Variants in MIOS observed in about 807,000 individuals in gnomAD.
MIOS encodes the protein meiosis regulator for oocyte development, also known as GATOR2 complex protein MIOS.
MIOS carries 52 observed loss-of-function variants against 96.9 expected under a neutral mutation model. The ratio of observed to expected loss-of-function variants is 0.54; its 90% CI spans 0.43 to 0.68. The LOEUF (loss-of-function observed/expected upper bound fraction) is 0.68. MIOS is among the 30% of genes least tolerant of loss of function. The pLI is 0.00. For missense variants in MIOS, 1,005 were observed against 1,052.8 expected, an observed-to-expected ratio of 0.95 and a Z score of 0.63; for synonymous variants, 397 against 359.5, an observed-to-expected ratio of 1.10 and a Z score of -1.18.
chr7:7,579,099 C>T (rs1544466), intron 5 of MIOS, among the ~76,000 whole-genome samples: 2 of 151,576 alleles, frequency 1.3e-5, no homozygotes, highest in Non-Finnish European at 2.9e-5. Context: ...AGGACAGTCT[C>T]AAATTTAGGA....
At chr7:7,591,297 G>GT (rs71010984) in intron 9 of MIOS, among the ~76,000 whole-genome samples, 77,687 of 135,964 alleles carry the variant, frequency 0.57, 24,109 homozygotes, top group Admixed American at 0.71. Context: ...TTTTTGTTGG[G>GT]TTTTTTTTTT....
chr7:7,586,982 CTTT>C (rs1783905223), intron 7 of MIOS, among the ~76,000 whole-genome samples: 3 of 91,220 alleles, frequency 3.3e-5, no homozygotes, highest in African/African-American at 1.3e-4. Context: ...AAGTACTTTT[CTTT>C]CCCTTTTTTT....
intron 3 of MIOS, among the ~76,000 whole-genome samples, chr7:7,571,729 C>A (rs969693985): frequency 1.3e-5 from 2 of 152,156 alleles, no homozygotes; most frequent in Non-Finnish European, 2.9e-5. Context: ...AACTAATATA[C>A]GGCAGAGCTA....
intron 9 of MIOS, among the ~76,000 whole-genome samples, chr7:7,592,223 A>G (rs1784070100): frequency 6.6e-6 from 1 of 152,162 alleles, no homozygotes; most frequent in African/African-American, 2.4e-5. Flanking sequence ...GCCTGTCCTC[A>G]AGTGATCTGC....
At chr7:7,597,399 C>G (rs1322331185) in intron 11 of MIOS, among the ~76,000 whole-genome samples, 2 of 138,680 alleles carry the variant, frequency 1.4e-5, no homozygotes, top group African/African-American at 5.3e-5. Flanking sequence ...AAGTATTAGC[C>G]TAGAAGTCAG....
At chr7:7,576,127 G>GTA (rs940808631) in intron 5 of MIOS, among the ~76,000 whole-genome samples, 3 of 152,108 alleles carry the variant, frequency 2.0e-5, no homozygotes, top group Non-Finnish European at 4.4e-5. Context: ...GTAACAAATA[G>GTA]TATATATATA....
chr7:7,602,959 A>C (rs529830857), intron 11 of MIOS, among the ~76,000 whole-genome samples: 1,878 of 152,192 alleles, frequency 0.012, 28 homozygotes, highest in South Asian at 0.05. Context: ...GAGAAAAACA[A>C]GCAATGGGGA....
chr7:7,593,907 G>GAAAA (rs1291964281), intron 9 of MIOS, among the ~76,000 whole-genome samples: 2 of 124,122 alleles, frequency 1.6e-5, no homozygotes, highest in African/African-American at 3.5e-5. Context: ...AAAAAGAAAA[G>GAAAA]AAAAAAAGAA....
At chr7:7,593,897 A>AAAAAAAAAAAAAAAG (rs1563036584) in intron 9 of MIOS, among the ~76,000 whole-genome samples, 2 of 92,924 alleles carry the variant, frequency 2.2e-5, no homozygotes, top group African/African-American at 9.0e-5. Context: ...AAAAAAAAAG[A>AAAAAAAAAAAAAAAG]AAAAGAAAAG....
At position 7,588,484 on chromosome 7, in the gene MIOS, T is replaced by C. The variant is rs776219904; in HGVS notation, c.1819-14T>C. ...CGCCTAGAAGTAACTCCTTGCTTTT[T>C]CTCTTCTTTCCAGTATGAAAACAAA... On this transcript the variant is annotated splice_polypyrimidine_tract_variant and intron_variant, in intron 7 of 12. Coordinates refer to ENST00000340080, the MANE Select transcript of MIOS (RefSeq NM_019005.4). The C allele has an allele frequency of 6.4e-7, 1 of 1,553,826 alleles. No homozygotes were observed. The highest frequency in any genetic ancestry group is 1.3e-5 in the South Asian group (1 of 77,038).
chr7:7,605,317 C>T (rs1583663485), intron 11 of MIOS: 1 of 143,572 alleles, frequency 7.0e-6, no homozygotes, highest in African/African-American at 2.6e-5. Context: ...TTTTTTGAGA[C>T]AAAGTCTTGC....
At chr7:7,568,265 G>T (rs111480811) in intron 3 of MIOS, 142 bp downstream of exon 3, 6 of 152,358 alleles carry the variant, frequency 3.9e-5, no homozygotes, top group African/African-American at 1.2e-4. Context: ...TCTGTGTGAT[G>T]TGAAGAGCTC....
In MIOS at chr7:7,607,052, C is replaced by A; in HGVS notation, c.2588C>A (p.Thr863Lys). 6.2e-7 allele frequency: 1 copy of A among 1,613,084 alleles called. No homozygotes were observed. Among genetic ancestry groups the A allele is most frequent in the African/African-American group, 1.3e-5 (1 of 74,936 alleles). ...ACTCKCMQLD[T>K]TGNLVPAETV... is the part of the protein sequence containing the mutation. ...ACGTGTAAATGTATGCAGTTGGATA[C>A]AACAGGGAATCTGGTACCTGCAGAG... is the stretch of plus-strand genomic sequence containing the variant. Residue 863 changes from threonine (T) to lysine (K), a missense_variant, in exon 13 of 13, where the codon ACA (threonine) becomes AAA (lysine). By Grantham distance (78) the Thr-to-Lys change is moderately conservative. Around this residue, in one of 3 missense-constraint regions of MIOS, gnomAD observed 865 missense variants for 887.9 expected, o/e 0.97. Coordinates refer to ENST00000340080, the MANE Select transcript of MIOS (RefSeq NM_019005.4).
At chr7:7,591,836 A>G (rs758483483) in intron 9 of MIOS, among the ~76,000 whole-genome samples, 3 of 151,976 alleles carry the variant, frequency 2.0e-5, no homozygotes, top group Non-Finnish European at 4.4e-5. Flanking sequence ...ATTTCTTTAA[A>G]TATTTTTTTC....
chr7:7,570,476 T>TG (rs1452848498), intron 3 of MIOS, among the ~76,000 whole-genome samples: 3 of 150,832 alleles, frequency 2.0e-5, no homozygotes, highest in Non-Finnish European at 4.4e-5. Context: ...GGATGAGGGG[T>TG]GGGGGTGTGG....
chr7:7,573,047 G>C lies in MIOS; in HGVS notation c.572G>C (p.Cys191Ser). ...CAGAATGATGCTTGTCTGTCTCTTT[G>C]TTGGCTTCCACGAGACCAGAAACTT... is the stretch of plus-strand genomic sequence containing the variant. ...LGQNDACLSLCWLPRDQKLLL... is the reference protein window; with the variant it reads ...LGQNDACLSLSWLPRDQKLLL... Residue 191 changes from cysteine (C) to serine (S), a missense_variant, in exon 4 of 13, where the codon TGT (cysteine) becomes TCT (serine). By Grantham distance (112) the Cys-to-Ser change is moderately radical. This residue lies in a region of MIOS where 865 missense variants were observed against 887.9 expected (regional missense o/e 0.97). Coordinates refer to ENST00000340080, the MANE Select transcript of MIOS (RefSeq NM_019005.4). The surrounding 1 kb of genome is among the most constrained non-coding windows in gnomAD (Gnocchi z 5.0). The C allele has an allele frequency of 1.2e-6, 2 of 1,613,988 alleles. No homozygotes were observed. The highest frequency in any genetic ancestry group is 2.2e-5 in the East Asian group (1 of 44,882).
intron 5 of MIOS, among the ~76,000 whole-genome samples, chr7:7,576,129 A>G (rs894557304): frequency 2.0e-5 from 3 of 152,296 alleles, no homozygotes; most frequent in Admixed American, 6.5e-5. Flanking sequence ...AACAAATAGT[A>G]TATATATAAG....
At chr7:7,592,482 C>T (rs1338738840) in intron 9 of MIOS, among the ~76,000 whole-genome samples, 3 of 152,174 alleles carry the variant, frequency 2.0e-5, no homozygotes, top group Admixed American at 2.0e-4. Context: ...ATGATTCCAG[C>T]ACATTGTATT....
chr7:7,585,427 T>C, intron 6 of MIOS, among the ~76,000 whole-genome samples: 1 of 150,748 alleles, frequency 6.6e-6, no homozygotes, highest in South Asian at 2.2e-4. Flanking sequence ...TTTTTTTTTT[T>C]TTTCAAGAGT....
Sources: allele counts gnomAD v4.1 joint callset (sites outside exome capture counted in the v4.1 genomes callset), GRCh38; gene constraint gnomAD v4.1.1; regional missense constraint gnomAD v4.1.1; non-coding constraint Gnocchi (gnomAD v3.1); transcripts MANE v1.5; gene names NCBI Gene and HGNC (gene_info 2026-07-23, HGNC 2026-07-21).